Variants in PTK2 observed in about 807,000 individuals in gnomAD.
The protein encoded by PTK2 is focal adhesion kinase 1.
A neutral mutation model predicts 150.1 loss-of-function variants in PTK2; 45 were observed. That is an observed-to-expected ratio of 0.30 (90% CI 0.24 to 0.38). The LOEUF (loss-of-function observed/expected upper bound fraction) is 0.38, where lower values mean the gene tolerates loss of function less well. PTK2 is among the 10% of genes least tolerant of loss of function. PTK2 has a pLI of 1.00. For missense variants in PTK2, 919 were observed against 1,307.3 expected, an observed-to-expected ratio of 0.70 and a Z score of 4.58; for synonymous variants, 432 against 449.2, an observed-to-expected ratio of 0.96 and a Z score of 0.48.
At chr8:140,739,841 C>T (rs538230341) in intron 20 of PTK2, among the ~76,000 whole-genome samples, 2 of 152,312 alleles carry the variant, frequency 1.3e-5, no homozygotes, top group East Asian at 1.9e-4. Context: ...GGAGAGACTG[C>T]GGCCTTGCTG....
rs567673512 is a variant in PTK2, at chr8:140,664,546, A to G, written c.2946+371T>C. 3.3e-5 allele frequency among the ~76,000 whole-genome samples: 5 copies of G among 152,352 alleles called. No homozygotes were observed. The East Asian group carries it at 5.8e-4, about 18-fold the overall frequency. On this transcript the variant is annotated intron_variant, in intron 31 of 31. Transcript: ENST00000522684. ...ACCATGCACAATGCCCGCCCCATTC[A>G]TATCAGCATTCTTCTACCTTTTAGG...
intron 15 of PTK2, among the ~76,000 whole-genome samples, chr8:140,761,610 T>G (rs1048038342): frequency 6.6e-5 from 10 of 152,140 alleles, no homozygotes; most frequent in Non-Finnish European, 1.5e-4. Context: ...TTAAGAACTA[T>G]TAGTTTAGGT....
In PTK2 at chr8:140,868,887, T is replaced by C. The variant is rs75519922; in HGVS notation, c.363-4488A>G. Among the ~76,000 whole-genome samples, 533 of 152,214 alleles carry C rather than the reference T, an allele frequency of 3.5e-3. 13 individuals are homozygous for C. In the East Asian group the frequency reaches 0.066, roughly 19 times the overall value. On this transcript the variant is annotated intron_variant, in intron 4 of 31. Transcript: ENST00000522684. ...AGAAAAGGAACGGTAAGTGGAATAA[T>C]TGGGAAATGTGAATAAGTCATATAG...
At chr8:140,986,209 C>G (rs1446721026) in intron 1 of PTK2, among the ~76,000 whole-genome samples, 2 of 152,154 alleles carry the variant, frequency 1.3e-5, no homozygotes, top group African/African-American at 4.8e-5. Flanking sequence ...AGGAATGGGC[C>G]TTTCAACTTC....
At chr8:140,947,093 T>C (rs1356430837) in intron 1 of PTK2, among the ~76,000 whole-genome samples, 1 of 152,172 alleles carries the variant, frequency 6.6e-6, no homozygotes, top group Non-Finnish European at 1.5e-5. Flanking sequence ...ACATTCTAAT[T>C]TAACTGTCAC....
At chr8:140,819,473 T>G (rs1379802428) in intron 8 of PTK2, among the ~76,000 whole-genome samples, 2 of 152,248 alleles carry the variant, frequency 1.3e-5, no homozygotes, top group Non-Finnish European at 2.9e-5. Context: ...TCTTTAGAAA[T>G]GATTAGAGAT....
At chr8:140,773,379 T>C (rs1258813528) in intron 14 of PTK2, among the ~76,000 whole-genome samples, 1 of 152,164 alleles carries the variant, frequency 6.6e-6, no homozygotes, top group African/African-American at 2.4e-5. Context: ...AGAAGGAAGA[T>C]AAAATAAGTA....
Position 140,869,820 on chromosome 8 carries a change from T to C in PTK2, c.363-5421A>G, listed in dbSNP as rs115392470. On this transcript the variant is annotated intron_variant, in intron 4 of 31. Transcript: ENST00000522684. ...TGAAGATATTATAATCATGAACTTA[T>C]ATGTACTTAACAACATAGCCTTAAA... Among the ~76,000 whole-genome samples, 968 of 151,970 alleles carry C rather than the reference T, an allele frequency of 6.4e-3. 15 individuals are homozygous for C. The highest frequency in any genetic ancestry group is 0.021 in the African/African-American group (891 of 41,462).
rs137889456 is a variant in PTK2, at chr8:140,706,179, C to T, written c.2169G>A (p.Pro723=). 128 of 1,613,314 alleles carry T rather than the reference C, an allele frequency of 7.9e-5. No individual in the cohort carries two copies. The highest frequency in any genetic ancestry group is 3.0e-5 in the Non-Finnish European group (35 of 1,179,486). ...TGGGATAAAATCCTTCGCTGGACCT[C>T]GGACTGGGATAACCCGGTCTGCTGG... The change falls in exon 24 of 32, where the codon CCG becomes CCA. Residue 723 remains proline, a synonymous_variant. Transcript: ENST00000522684.
chr8:140,867,334 A>G (rs1313142162), intron 4 of PTK2, among the ~76,000 whole-genome samples: 1 of 152,216 alleles, frequency 6.6e-6, no homozygotes, highest in African/African-American at 2.4e-5. Context: ...TTATGTTCAC[A>G]GATTGGCAAG....
chr8:140,755,397 G>T (rs2100065044), intron 16 of PTK2, among the ~76,000 whole-genome samples: 1 of 152,072 alleles, frequency 6.6e-6, no homozygotes, highest in South Asian at 2.1e-4. Context: ...GTTTCCTTTT[G>T]CCTTCCCTTT....
intron 26 of PTK2, among the ~76,000 whole-genome samples, chr8:140,693,919 G>A (rs1329130133): frequency 2.0e-5 from 3 of 152,132 alleles, no homozygotes; most frequent in Non-Finnish European, 4.4e-5. Context: ...TATCTAATAG[G>A]GTGCACAGCT....
intron 14 of PTK2, among the ~76,000 whole-genome samples, chr8:140,779,000 C>A (rs915991983): frequency 2.0e-5 from 3 of 152,038 alleles, no homozygotes; most frequent in Admixed American, 1.3e-4. Context: ...GTGGGTCACA[C>A]CTGTAATCCC....
chr8:140,730,965 CT>C (rs398010103), intron 22 of PTK2, among the ~76,000 whole-genome samples: 54 of 82,590 alleles, frequency 6.5e-4, no homozygotes, highest in Admixed American at 6.7e-4. Context: ...CCCCCCCCCC[CT>C]TTTTTTTTTG....
In PTK2 at chr8:140,715,155, GTTTTTTTTTT is replaced by G. The variant is rs67306225; in HGVS notation, c.2142+2433_2142+2442del. 2.0e-4 allele frequency among the ~76,000 whole-genome samples: 11 copies of G among 56,018 alleles called. 1 individual carries two copies. Among genetic ancestry groups the G allele is most frequent in the African/African-American group, 5.8e-4 (9 of 15,600 alleles). 36.7% of individuals were successfully genotyped at this position (56,018 alleles called of 152,430 possible). On this transcript the variant is annotated intron_variant, in intron 23 of 31. Transcript: ENST00000522684. Reference sequence around the variant, plus strand: ...AGATGATTTTCTAGCCATTAAAACCGTTTTTTTTTTTTTTTTTTTTTTTTTTTTTTTTTTT... The same window carrying G: ...AGATGATTTTCTAGCCATTAAAACCGTTTTTTTTTTTTTTTTTTTTTTTTT...
chr8:140,696,582 G>A (rs559731956), intron 26 of PTK2, among the ~76,000 whole-genome samples: 50 of 152,142 alleles, frequency 3.3e-4, no homozygotes, highest in Non-Finnish European at 5.1e-4. Context: ...GAGAAACCCT[G>A]GTGTAGGGAA....
intron 22 of PTK2, among the ~76,000 whole-genome samples, chr8:140,733,560 A>C (rs2100050781): frequency 6.6e-6 from 1 of 152,244 alleles, no homozygotes; most frequent in Admixed American, 6.5e-5. Context: ...CCAAGGACAG[A>C]ATCTGTCAAA....
intron 1 of PTK2, among the ~76,000 whole-genome samples, chr8:140,955,464 T>C (rs556850453): frequency 1.2e-4 from 19 of 152,334 alleles, no homozygotes; most frequent in African/African-American, 2.9e-4. Flanking sequence ...TGAACCTCTT[T>C]CCTTTATAAA....
In PTK2 at chr8:140,816,058, T is replaced by A. The variant is rs183396481; in HGVS notation, c.867+2219A>T. ...TGTATGTGGGGAAAGGTAAAATTATTCTTTTGCTGATTACATTATTATACA... is the reference window on the plus strand; with the variant it reads ...TGTATGTGGGGAAAGGTAAAATTATACTTTTGCTGATTACATTATTATACA... On this transcript the variant is annotated intron_variant, in intron 10 of 31. Transcript: ENST00000522684. 2.8e-4 allele frequency among the ~76,000 whole-genome samples: 42 copies of A among 152,312 alleles called. 1 individual carries two copies. Among genetic ancestry groups the A allele is most frequent in the Middle Eastern group, 3.4e-3 (1 of 294 alleles).
Sources: allele counts gnomAD v4.1 joint callset (sites outside exome capture counted in the v4.1 genomes callset), GRCh38; gene constraint gnomAD v4.1.1; transcripts MANE v1.5; gene names NCBI Gene and HGNC (gene_info 2026-07-23, HGNC 2026-07-21).